SPOCK1: variants seen among roughly 807,000 people sequenced by gnomAD.
SPOCK1 encodes SPARC (osteonectin), cwcv and kazal like domains proteoglycan 1, also known as testican-1.
Under a neutral mutation model 55.3 loss-of-function variants are expected in SPOCK1, and 23 were observed. That is an observed-to-expected ratio of 0.42 (90% CI 0.30 to 0.59). The LOEUF (loss-of-function observed/expected upper bound fraction) is 0.59, where lower values mean the gene tolerates loss of function less well. Ranked by LOEUF, SPOCK1 falls within the 20% of genes least tolerant of loss-of-function variation. The pLI, the probability that SPOCK1 is intolerant of heterozygous loss-of-function variation, is 0.22. For synonymous variants in SPOCK1, 226 were observed against 221.0 expected (o/e 1.02, Z -0.20); for missense variants, 499 against 552.5 (o/e 0.90, Z 0.97).
At position 137,067,970 on chromosome 5, in the gene SPOCK1, T is replaced by C; in HGVS notation, c.475-141A>G. ...GGTCGACCTCAGGTAGAGGTCTCAATTACAGAATACTAAATAAGAAATGGC... is the reference window on the plus strand; with the variant it reads ...GGTCGACCTCAGGTAGAGGTCTCAACTACAGAATACTAAATAAGAAATGGC... On this transcript the variant is annotated intron_variant, in intron 5 of 10. Transcript: ENST00000394945. 4 of 617,620 alleles carry C rather than the reference T, an allele frequency of 6.5e-6. No individual in the cohort carries two copies. In the East Asian group the frequency reaches 1.1e-4, roughly 17 times the overall value. The allele number at this position is 617,620 out of a possible 1,614,324, so 38.3% of individuals were successfully genotyped here. A position where few individuals can be genotyped will look rare whatever the true frequency, so the allele number is the denominator to read the frequency against.
intron 3 of SPOCK1, among the ~76,000 whole-genome samples, chr5:137,209,670 A>C (rs1238492023): frequency 6.6e-6 from 1 of 152,198 alleles, no homozygotes; most frequent in African/African-American, 2.4e-5. Flanking sequence ...AGCGTCAGTC[A>C]AATCAGGACA....
chr5:137,151,394 G>A (rs191956645), intron 3 of SPOCK1, among the ~76,000 whole-genome samples: 36 of 152,320 alleles, frequency 2.4e-4, no homozygotes, highest in Non-Finnish European at 3.2e-4. Context: ...ACGTCTCACA[G>A]TGGATTCTGC....
At chr5:137,017,733 A>G (rs1751475042) in intron 6 of SPOCK1, among the ~76,000 whole-genome samples, 1 of 152,240 alleles carries the variant, frequency 6.6e-6, no homozygotes, top group Admixed American at 6.5e-5. Flanking sequence ...TTAGGCTAAA[A>G]ACAATTAACA....
At position 137,392,063 on chromosome 5, in the gene SPOCK1, A is replaced by G. The variant is rs137971190; in HGVS notation, c.186+106310T>C. ...CTTGTGGCTTTTCCCACACTTGACC[A>G]TACCCTATTCCTCCAACTTGAAACT... On this transcript the variant is annotated intron_variant, in intron 2 of 10. Coordinates refer to ENST00000394945, the MANE Select transcript of SPOCK1 (RefSeq NM_004598.4). Among the ~76,000 whole-genome samples the G allele has an allele frequency of 3.6e-4, 55 of 152,292 alleles. 1 individual carries two copies. The highest frequency in any genetic ancestry group is 1.2e-3 in the African/African-American group (49 of 41,562).
At chr5:137,090,793 G>C (rs1458071240) in intron 5 of SPOCK1, among the ~76,000 whole-genome samples, 2 of 152,144 alleles carry the variant, frequency 1.3e-5, no homozygotes, top group African/African-American at 4.8e-5. Flanking sequence ...GTTCCCCTGG[G>C]TTTTTCAAGC....
chr5:137,199,692 T>A (rs926948418), intron 3 of SPOCK1, among the ~76,000 whole-genome samples: 1 of 152,184 alleles, frequency 6.6e-6, no homozygotes, highest in African/African-American at 2.4e-5. Context: ...CTTCAGAATG[T>A]CAGAGAACCC....
intron 2 of SPOCK1, among the ~76,000 whole-genome samples, chr5:137,392,901 C>T (rs186370395): frequency 1.3e-5 from 2 of 152,118 alleles, no homozygotes; most frequent in African/African-American, 2.4e-5. Flanking sequence ...CTTTTTGAGG[C>T]CCTACCCTTA....
At chr5:137,374,674 C>T (rs1382306171) in intron 2 of SPOCK1, among the ~76,000 whole-genome samples, 3 of 152,156 alleles carry the variant, frequency 2.0e-5, no homozygotes, top group East Asian at 1.9e-4. Flanking sequence ...ATGACAGCGG[C>T]GCTCACCACA....
At chr5:137,300,313 A>G (rs1243835088) in intron 2 of SPOCK1, among the ~76,000 whole-genome samples, 5 of 152,094 alleles carry the variant, frequency 3.3e-5, no homozygotes, top group Non-Finnish European at 5.9e-5. Flanking sequence ...TATTTATAAC[A>G]TGGTTTTGAA....
At chr5:137,456,178 G>A (rs1243179906) in intron 2 of SPOCK1, among the ~76,000 whole-genome samples, 1 of 152,184 alleles carries the variant, frequency 6.6e-6, no homozygotes, top group African/African-American at 2.4e-5. Flanking sequence ...CTGAATCTGA[G>A]AAACTTCTGT....
Position 137,430,315 on chromosome 5 carries a change from A to G in SPOCK1, c.186+68058T>C, listed in dbSNP as rs567700634. ...AGGCTCTATTCACAGGTGGGCAAAA[A>G]GACTATCCATCACCCCAGCTCATAC... On this transcript the variant is annotated intron_variant, in intron 2 of 10. Transcript: ENST00000394945. 7.9e-5 allele frequency among the ~76,000 whole-genome samples: 12 copies of G among 152,350 alleles called. No homozygotes were observed. The South Asian group carries it at 2.5e-3, about 32-fold the overall frequency.
intron 6 of SPOCK1, among the ~76,000 whole-genome samples, chr5:137,026,720 A>C (rs909340489): frequency 2.0e-5 from 3 of 152,190 alleles, no homozygotes; most frequent in African/African-American, 7.2e-5. Flanking sequence ...AATCCAACCA[A>C]GCCTGGAGCA....
intron 2 of SPOCK1, among the ~76,000 whole-genome samples, chr5:137,300,367 G>T (rs895968544): frequency 1.3e-5 from 2 of 152,140 alleles, no homozygotes; most frequent in Non-Finnish European, 2.9e-5. Flanking sequence ...TTCAGGGTCA[G>T]TTTCATCTAA....
rs370303875 is a variant in SPOCK1, at chr5:137,342,245, G to C, written c.187-75190C>G. ...TCCTTGCTAGGTATGCCATTGCCCT[G>C]ATGCACCAATACAGAACTGCCAGGT... On this transcript the variant is annotated intron_variant, in intron 2 of 10. Coordinates refer to ENST00000394945, the MANE Select transcript of SPOCK1 (RefSeq NM_004598.4). 2.6e-5 allele frequency among the ~76,000 whole-genome samples: 4 copies of C among 152,250 alleles called. No homozygotes were observed. The South Asian group carries it at 8.3e-4, about 32-fold the overall frequency.
intron 2 of SPOCK1, among the ~76,000 whole-genome samples, chr5:137,459,436 G>C (rs985791191): frequency 7.3e-6 from 1 of 137,372 alleles, no homozygotes; most frequent in Middle Eastern, 3.5e-3. Context: ...CAAACAGAGA[G>C]AGGCTAATGA....
At chr5:137,062,309 G>T (rs891059883) in intron 6 of SPOCK1, among the ~76,000 whole-genome samples, 1 of 151,962 alleles carries the variant, frequency 6.6e-6, no homozygotes, top group Non-Finnish European at 1.5e-5. Context: ...CGGGGAAGGG[G>T]AAGCTCCAAA....
intron 2 of SPOCK1, among the ~76,000 whole-genome samples, chr5:137,448,807 G>A (rs1197947628): frequency 1.3e-5 from 2 of 152,192 alleles, no homozygotes; most frequent in African/African-American, 4.8e-5. Flanking sequence ...TTTGTACAGA[G>A]ACATCCTGCA....
intron 2 of SPOCK1, among the ~76,000 whole-genome samples, chr5:137,387,947 G>C (rs1224204144): frequency 1.3e-5 from 2 of 152,142 alleles, no homozygotes; most frequent in Non-Finnish European, 2.9e-5. Context: ...ATACACAAAT[G>C]AGTAAGATGC....
At chr5:137,269,687 C>T (rs562047490) in intron 2 of SPOCK1, among the ~76,000 whole-genome samples, 27 of 152,278 alleles carry the variant, frequency 1.8e-4, no homozygotes, top group African/African-American at 6.3e-4. Flanking sequence ...TGGTGAGGCA[C>T]AGTCAAAACT....
Sources: allele counts gnomAD v4.1 joint callset (sites outside exome capture counted in the v4.1 genomes callset), GRCh38; gene constraint gnomAD v4.1.1; transcripts MANE v1.5; gene names NCBI Gene and HGNC (gene_info 2026-07-23, HGNC 2026-07-21).